Variants in UMODL1 observed in about 807,000 individuals in gnomAD.
UMODL1 encodes uromodulin like 1, also known as uromodulin-like 1.
Under a neutral mutation model 136.3 loss-of-function variants are expected in UMODL1, and 128 were observed. The observed-to-expected ratio is 0.94, with a 90% CI of 0.81 to 1.09. The LOEUF is 1.09. UMODL1 is among the 50% of genes least tolerant of loss of function. UMODL1 has a pLI of 0.00. For synonymous variants in UMODL1, 721 were observed against 720.0 expected, an observed-to-expected ratio of 1.00 and a Z score of -0.02; for missense variants, 1,766 against 1,725.6, an observed-to-expected ratio of 1.02 and a Z score of -0.41.
chr21:42,077,632 C>G (rs1290406351), intron 2 of UMODL1, among the ~76,000 whole-genome samples: 1 of 152,222 alleles, frequency 6.6e-6, no homozygotes, highest in Non-Finnish European at 1.5e-5. Context: ...TAGCTCGCCA[C>G]AGTATCTTAT....
chr21:42,071,430 A>G, intron 1 of UMODL1, 38 bp downstream of exon 1: 2 of 1,521,806 alleles, frequency 1.3e-6, no homozygotes, highest in Non-Finnish European at 1.8e-6. Flanking sequence ...GTTCTTAAGG[A>G]CAGGGGCTTC....
chr21:42,127,874 T>C (rs2067082965), intron 20 of UMODL1, 43 bp downstream of exon 20: 2 of 1,606,864 alleles, frequency 1.2e-6, no homozygotes, highest in Non-Finnish European at 1.7e-6. Flanking sequence ...TGGATTCACG[T>C]TCCTTATTGT....
At chr21:42,075,968 G>A in intron 1 of UMODL1, 37 bp from the exon 2 acceptor site, 1 of 1,609,544 alleles carries the variant, frequency 6.2e-7, no homozygotes, top group Non-Finnish European at 8.5e-7. Context: ...ATCTGATCCT[G>A]GTGTTCTCAG....
chr21:42,126,157 G>C (rs1244021723), intron 17 of UMODL1, among the ~76,000 whole-genome samples, 188 bp from the exon 18 acceptor site: 2 of 152,178 alleles, frequency 1.3e-5, no homozygotes, highest in Non-Finnish European at 2.9e-5. Context: ...AATAGGGAAT[G>C]AGCAGAGGCC....
chr21:42,121,718 G>A (rs546437075), intron 16 of UMODL1, among the ~76,000 whole-genome samples: 9 of 152,170 alleles, frequency 5.9e-5, no homozygotes, highest in Non-Finnish European at 1.2e-4. Context: ...AGGGAGGTGG[G>A]CATTTATACC....
intron 2 of UMODL1, 111 bp downstream of exon 2, chr21:42,076,358 G>A: frequency 1.3e-6 from 2 of 1,521,656 alleles, no homozygotes; most frequent in Non-Finnish European, 1.8e-6. Flanking sequence ...TCTTCCAGGA[G>A]CACGGCTCCC....
At chr21:42,089,940 G>A (rs1297197236) in intron 5 of UMODL1, among the ~76,000 whole-genome samples, 3 of 152,208 alleles carry the variant, frequency 2.0e-5, no homozygotes, top group Admixed American at 2.0e-4. Flanking sequence ...TGTTGGCGCA[G>A]AAAACACCCA....
At chr21:42,097,407 G>A (rs903414246) in intron 6 of UMODL1, among the ~76,000 whole-genome samples, 2 of 152,224 alleles carry the variant, frequency 1.3e-5, no homozygotes, top group African/African-American at 4.8e-5. Flanking sequence ...AGGTTGGAAG[G>A]AGGAGACAGC....
At chr21:42,103,766 G>A (rs2066670348) in intron 8 of UMODL1, 102 bp from the exon 9 acceptor site, 3 of 1,366,964 alleles carry the variant, frequency 2.2e-6, no homozygotes, top group Non-Finnish European at 3.1e-6. Context: ...GATTGTAGAG[G>A]AGAGAAATGG....
At chr21:42,112,101 T>C (rs1394084102) in intron 12 of UMODL1, among the ~76,000 whole-genome samples, 1 of 151,616 alleles carries the variant, frequency 6.6e-6, no homozygotes, top group Non-Finnish European at 1.5e-5. Flanking sequence ...ATCAGTGTGA[T>C]GACACCCCCA....
chr21:42,108,397 A>G (rs751256991), intron 9 of UMODL1: 6 of 505,206 alleles, frequency 1.2e-5, no homozygotes, highest in Non-Finnish European at 2.0e-5. Flanking sequence ...GGGTGGTGGC[A>G]TAGCTGTTGT....
intron 1 of UMODL1, among the ~76,000 whole-genome samples, chr21:42,072,398 G>A (rs2066241728): frequency 6.6e-6 from 1 of 152,196 alleles, no homozygotes; most frequent in Non-Finnish European, 1.5e-5. Flanking sequence ...TTTTCACCCA[G>A]AAGCAGGATT....
upstream of UMODL1, among the ~76,000 whole-genome samples, chr21:42,068,464 T>G (rs2066201319): frequency 6.6e-6 from 1 of 151,978 alleles, no homozygotes; most frequent in Non-Finnish European, 1.5e-5. This position sits in a 1 kb window ranked among gnomAD's most constrained non-coding sequence, Gnocchi z 5.5. Context: ...TGACTCAAGG[T>G]CTCTTCCAAG....
intron 12 of UMODL1, among the ~76,000 whole-genome samples, chr21:42,112,335 T>G (rs1207175896): frequency 6.6e-6 from 1 of 151,808 alleles, no homozygotes; most frequent in Non-Finnish European, 1.5e-5. Context: ...TCTGCCTAGC[T>G]GTTCTATATG....
chr21:42,090,716 C>T (rs1324086679), intron 6 of UMODL1, among the ~76,000 whole-genome samples: 1 of 152,228 alleles, frequency 6.6e-6, no homozygotes, highest in Non-Finnish European at 1.5e-5. Flanking sequence ...TAGAAAACAG[C>T]AGTCCCACGT....
intron 9 of UMODL1, among the ~76,000 whole-genome samples, chr21:42,105,308 T>C (rs2066699249): frequency 6.6e-6 from 1 of 152,120 alleles, no homozygotes; most frequent in African/African-American, 2.4e-5. Context: ...TGATCCAACC[T>C]TCAGGCGGAT....
chr21:42,067,291 A>G (rs952084004), upstream of UMODL1, among the ~76,000 whole-genome samples: 13 of 152,184 alleles, frequency 8.5e-5, no homozygotes, highest in African/African-American at 2.4e-4. Context: ...ATTTTTAATT[A>G]TATTTCCCCA....
At chr21:42,106,671 G>A (rs1207734265) in intron 9 of UMODL1, among the ~76,000 whole-genome samples, 2 of 152,154 alleles carry the variant, frequency 1.3e-5, no homozygotes, top group East Asian at 1.9e-4. Context: ...AGGCTGAGCC[G>A]CCCCCCGCGC....
chr21:42,069,003 T>G (rs1029325964), upstream of UMODL1, among the ~76,000 whole-genome samples: 1 of 152,140 alleles, frequency 6.6e-6, no homozygotes, highest in South Asian at 2.1e-4. Flanking sequence ...CTGAGCGAAT[T>G]TGGGGCTCTC....
Sources: allele counts gnomAD v4.1 joint callset (sites outside exome capture counted in the v4.1 genomes callset), GRCh38; gene constraint gnomAD v4.1.1; non-coding constraint Gnocchi (gnomAD v3.1); transcripts MANE v1.5; gene names NCBI Gene and HGNC (gene_info 2026-07-23, HGNC 2026-07-21).